The following UNC13C variants were observed in gnomAD, a reference collection of about 807,000 sequenced individuals.
The protein encoded by UNC13C is unc-13 homolog C.
Under a neutral mutation model 245.4 loss-of-function variants are expected in UNC13C, and 174 were observed. That is an observed-to-expected ratio of 0.71 (90% confidence interval 0.63 to 0.80). UNC13C has a LOEUF of 0.80. Among genes scored for constraint, UNC13C ranks in the 30% least tolerant of loss-of-function variants. The pLI, the probability that UNC13C is intolerant of heterozygous loss-of-function variation, is 0.00. For synonymous variants in UNC13C, 992 were observed against 895.1 expected (o/e 1.11, Z -1.93); for missense variants, 2,829 against 2,602.9 (o/e 1.09, Z -1.89).
chr15:54,101,879 C>T (rs11071040), intron 2 of UNC13C, among the ~76,000 whole-genome samples: 106,315 of 151,514 alleles, frequency 0.7, 40,817 homozygotes, highest in Non-Finnish European at 0.85. Flanking sequence ...CCACCGTGCC[C>T]GGCCATCCTC....
At chr15:53,945,107 T>C in the UNC13C span, among the ~76,000 whole-genome samples, 1 of 152,122 alleles carries the variant, frequency 6.6e-6, no homozygotes, top group Admixed American at 6.5e-5. Context: ...GTTAATGGGG[T>C]TATTATTTTT....
chr15:53,839,607 T>G, the UNC13C span, among the ~76,000 whole-genome samples: 1 of 152,140 alleles, frequency 6.6e-6, no homozygotes, highest in Non-Finnish European at 1.5e-5. Flanking sequence ...ATTTTGTTTA[T>G]GTACTGTGAC....
At chr15:54,288,892 T>C (rs1382932834) in intron 10 of UNC13C, among the ~76,000 whole-genome samples, 1 of 152,124 alleles carries the variant, frequency 6.6e-6, no homozygotes, top group Non-Finnish European at 1.5e-5. Context: ...ACCTAATGGC[T>C]GCAGCCTCAG....
intron 2 of UNC13C, among the ~76,000 whole-genome samples, chr15:54,105,824 A>C (rs891275356): frequency 1.3e-5 from 2 of 152,228 alleles, no homozygotes; most frequent in African/African-American, 4.8e-5. Context: ...CAGTAAACAG[A>C]ATAATTGGAA....
chr15:54,278,270 C>A (rs1034612539), intron 10 of UNC13C, among the ~76,000 whole-genome samples: 3 of 152,018 alleles, frequency 2.0e-5, no homozygotes, highest in African/African-American at 7.3e-5. Flanking sequence ...TTTAGAACTC[C>A]AAGAAAATTC....
chr15:54,354,852 T>C (rs919977691), intron 17 of UNC13C, among the ~76,000 whole-genome samples: 13 of 152,228 alleles, frequency 8.5e-5, no homozygotes, highest in African/African-American at 3.1e-4. Flanking sequence ...CCCTCTAAAA[T>C]TCATGTTGAG....
intron 19 of UNC13C, among the ~76,000 whole-genome samples, chr15:54,494,220 C>T (rs1329999448): frequency 6.6e-6 from 1 of 152,056 alleles, no homozygotes; most frequent in African/African-American, 2.4e-5. Context: ...TACCCTAAAA[C>T]TTAAAGAATA....
At chr15:54,319,143 C>T (rs948142663) in intron 13 of UNC13C, among the ~76,000 whole-genome samples, 1 of 151,764 alleles carries the variant, frequency 6.6e-6, no homozygotes, top group Non-Finnish European at 1.5e-5. Flanking sequence ...AGTGTCCTAA[C>T]AATTTATTTT....
chr15:54,000,252 T>C (rs982875152), intron 1 of UNC13C, among the ~76,000 whole-genome samples: 1 of 152,028 alleles, frequency 6.6e-6, no homozygotes, highest in Admixed American at 6.6e-5. Context: ...AAGAGTCAAT[T>C]TCCACAAGCC....
chr15:54,270,404 C>T (rs1225008466), intron 10 of UNC13C, among the ~76,000 whole-genome samples: 1 of 152,060 alleles, frequency 6.6e-6, no homozygotes, highest in African/African-American at 2.4e-5. Flanking sequence ...TGAGCTTTAG[C>T]TTGTCTAATA....
the UNC13C span, among the ~76,000 whole-genome samples, chr15:53,858,088 AC>A: frequency 6.6e-6 from 1 of 152,138 alleles, no homozygotes; most frequent in Non-Finnish European, 1.5e-5. Context: ...GATAATTTTA[AC>A]CTCTATATGA....
chr15:54,336,501 C>T (rs756150107), intron 16 of UNC13C, among the ~76,000 whole-genome samples: 45 of 146,856 alleles, frequency 3.1e-4, no homozygotes, highest in Non-Finnish European at 4.8e-4. Flanking sequence ...TTTTTTTTTT[C>T]TAATTATGGA....
intron 19 of UNC13C, among the ~76,000 whole-genome samples, chr15:54,429,355 T>C (rs12439496): frequency 0.31 from 47,362 of 151,646 alleles, 7,897 homozygotes; most frequent in East Asian, 0.5. Flanking sequence ...TATTCTTTTA[T>C]GAACTTCCCA....
chr15:53,871,324 A>G, the UNC13C span, among the ~76,000 whole-genome samples: 3 of 151,962 alleles, frequency 2.0e-5, no homozygotes, highest in African/African-American at 4.8e-5. Flanking sequence ...ACTTTTGCCT[A>G]TGTAATATTT....
chr15:54,339,839 A>G (rs2038687289), intron 17 of UNC13C, among the ~76,000 whole-genome samples: 1 of 147,384 alleles, frequency 6.8e-6, no homozygotes, highest in South Asian at 2.2e-4. Flanking sequence ...TGGTAGTTCT[A>G]CTCTTAGTTC....
intron 10 of UNC13C, among the ~76,000 whole-genome samples, chr15:54,267,855 C>A (rs1322695752): frequency 6.6e-6 from 1 of 152,008 alleles, no homozygotes; most frequent in East Asian, 1.9e-4. Flanking sequence ...AATATTCATT[C>A]TGCTGTCTGT....
At chr15:53,918,592 C>A in the UNC13C span, among the ~76,000 whole-genome samples, 1 of 152,164 alleles carries the variant, frequency 6.6e-6, no homozygotes, top group Admixed American at 6.5e-5. Flanking sequence ...CAGTGCTGAG[C>A]ACAGGGACTG....
chr15:54,553,152 T>C lies in UNC13C; in HGVS notation c.5878-2280T>C, dbSNP rs1247815628. On this transcript the variant is annotated intron_variant, in intron 28 of 32. Transcript: ENST00000260323. ...TAATATATAGTATTCTATATTACAA[T>C]ATATATTATATACTGTATTCTATAT... Among the ~76,000 whole-genome samples, 6 of 111,338 alleles carry C rather than the reference T, an allele frequency of 5.4e-5. 1 individual carries two copies. In the South Asian group the frequency reaches 8.0e-4, roughly 15 times the overall value. The allele number at this position is 111,338 out of a possible 152,430, so 73.0% of individuals were successfully genotyped here.
At position 54,042,041 on chromosome 15, in the gene UNC13C, A is replaced by G. The variant is rs73416928; in HGVS notation, c.2983+26155A>G. On this transcript the variant is annotated intron_variant, in intron 2 of 32. Transcript: ENST00000260323. ...CCTAATCTGAATATTTGAAATATGA[A>G]ACATTGTGAGCACCAACAAGATGCT... Among the ~76,000 whole-genome samples the G allele has an allele frequency of 7.2e-3, 1,099 of 152,258 alleles. 15 individuals carry two copies. Among genetic ancestry groups the G allele is most frequent in the African/African-American group, 0.026 (1,063 of 41,550 alleles).
Sources: gnomAD v4.1 joint callset for allele counts (sites outside exome capture counted in the v4.1 genomes callset) on GRCh38, gnomAD v4.1.1 for gene constraint, MANE v1.5 for transcripts, NCBI Gene and HGNC (gene_info 2026-07-23, HGNC 2026-07-21) for gene names.